The following ZNF804A variants were observed in gnomAD, a reference collection of about 807,000 sequenced individuals.
The protein encoded by ZNF804A is zinc finger protein 804A.
A neutral mutation model predicts 16.5 loss-of-function variants in ZNF804A; 2 were observed. That is an observed-to-expected ratio of 0.12 (90% CI 0.05 to 0.38). The LOEUF is 0.38. ZNF804A is among the 10% of genes least tolerant of loss of function. ZNF804A has a pLI of 0.99. For missense variants in ZNF804A, 1,473 were observed against 1,390.7 expected (o/e 1.06, Z -0.94); for synonymous variants, 534 against 489.6 (o/e 1.09, Z -1.20).
At chr2:184,871,247 G>A (rs187539707) in intron 2 of ZNF804A, among the ~76,000 whole-genome samples, 69 of 151,880 alleles carry the variant, frequency 4.5e-4, no homozygotes, top group African/African-American at 1.2e-3. Flanking sequence ...TGGACCTACA[G>A]TAATAATCAC....
intron 1 of ZNF804A, among the ~76,000 whole-genome samples, chr2:184,695,100 A>G (rs1187333897): frequency 6.6e-6 from 1 of 152,194 alleles, no homozygotes; most frequent in Non-Finnish European, 1.5e-5. Flanking sequence ...TTTTCTTGGA[A>G]TGGAAATACC....
intron 2 of ZNF804A, among the ~76,000 whole-genome samples, chr2:184,883,058 G>T (rs1346703867): frequency 6.6e-6 from 1 of 151,952 alleles, no homozygotes; most frequent in Admixed American, 6.6e-5. Flanking sequence ...GAAAAACAGA[G>T]AGAAGATCTC....
chr2:184,897,506 G>T (rs1685106757), intron 2 of ZNF804A, among the ~76,000 whole-genome samples: 1 of 151,130 alleles, frequency 6.6e-6, no homozygotes, highest in Non-Finnish European at 1.5e-5. Flanking sequence ...TTTTTGGATG[G>T]AGTCACTCAT....
chr2:184,698,098 G>A (rs1559129166), intron 1 of ZNF804A, among the ~76,000 whole-genome samples: 1 of 151,982 alleles, frequency 6.6e-6, no homozygotes, highest in East Asian at 1.9e-4. Flanking sequence ...GGAATTAGAG[G>A]TTTTTCCAGT....
Position 184,819,859 on chromosome 2 carries a change from A to T in ZNF804A, c.112-46510A>T, listed in dbSNP as rs553284270. 5.9e-5 allele frequency among the ~76,000 whole-genome samples: 9 copies of T among 151,980 alleles called. No homozygotes were observed. The South Asian group carries it at 1.9e-3, about 31-fold the overall frequency. ...CCTGGGAACATATACCCTCCCAAGA[A>T]TGAATCAGGGAGAAATTGAATCCCT... On this transcript the variant is annotated intron_variant, in intron 1 of 3. Transcript: ENST00000302277.
intron 1 of ZNF804A, among the ~76,000 whole-genome samples, chr2:184,664,096 G>T (rs1355087092): frequency 6.6e-6 from 1 of 152,116 alleles, no homozygotes; most frequent in Non-Finnish European, 1.5e-5. Context: ...TTTTATTATT[G>T]TTGCCTACCT....
intron 3 of ZNF804A, 33 bp from the exon 4 acceptor site, chr2:184,935,737 TCTCAAAAGTGTGC>T: frequency 1.3e-6 from 2 of 1,496,350 alleles, no homozygotes; most frequent in Non-Finnish European, 1.8e-6. Context: ...TATTTTTTTT[TCTCAAAAGTGTGC>T]TATTTAACAC....
chr2:184,839,326 A>G (rs548281104), intron 1 of ZNF804A, among the ~76,000 whole-genome samples: 1 of 152,240 alleles, frequency 6.6e-6, no homozygotes, highest in South Asian at 2.1e-4. Flanking sequence ...AGAGTATCAT[A>G]TCATTACATT....
At chr2:184,843,962 C>T (rs979807366) in intron 1 of ZNF804A, among the ~76,000 whole-genome samples, 2 of 151,942 alleles carry the variant, frequency 1.3e-5, no homozygotes, top group African/African-American at 4.8e-5. Context: ...TCTCTCCTCC[C>T]CATTTTTTCT....
intron 1 of ZNF804A, among the ~76,000 whole-genome samples, chr2:184,761,536 ATTCCAGTACATAAT>A: frequency 6.6e-6 from 1 of 152,250 alleles, no homozygotes; most frequent in South Asian, 2.1e-4. Context: ...ACAACAGTCT[ATTCCAGTACATAAT>A]TTTAAATATA....
intron 1 of ZNF804A, among the ~76,000 whole-genome samples, chr2:184,676,577 A>G (rs968154612): frequency 6.6e-6 from 1 of 151,730 alleles, no homozygotes; most frequent in Non-Finnish European, 1.5e-5. Context: ...AATTTCCACT[A>G]CAATATCATA....
At chr2:184,742,320 T>C (rs1157606912) in intron 1 of ZNF804A, among the ~76,000 whole-genome samples, 1 of 151,980 alleles carries the variant, frequency 6.6e-6, no homozygotes, top group Non-Finnish European at 1.5e-5. Flanking sequence ...TTGAAAAAAA[T>C]TATGGCTTAA....
chr2:184,703,507 G>T lies in ZNF804A; in HGVS notation c.111+104437G>T, dbSNP rs187232936. Reference sequence around the variant, plus strand: ...CATGAGATCAGGAGATCGAGACCACGGTGAAACCCCGTCTCTACTAAAACA... The same window carrying T: ...CATGAGATCAGGAGATCGAGACCACTGTGAAACCCCGTCTCTACTAAAACA... On this transcript the variant is annotated intron_variant, in intron 1 of 3. Coordinates refer to ENST00000302277, the MANE Select transcript of ZNF804A (RefSeq NM_194250.2). 4.6e-3 allele frequency among the ~76,000 whole-genome samples: 696 copies of T among 151,718 alleles called. 12 individuals are homozygous for T. Among genetic ancestry groups the T allele is most frequent in the African/African-American group, 0.015 (635 of 41,394 alleles).
chr2:184,836,979 G>T (rs72905734), intron 1 of ZNF804A, among the ~76,000 whole-genome samples: 2 of 151,058 alleles, frequency 1.3e-5, no homozygotes, highest in Admixed American at 6.6e-5. Flanking sequence ...CTATGTACAT[G>T]GTGTGTCTTC....
At chr2:184,851,321 C>T (rs1019656177) in intron 1 of ZNF804A, among the ~76,000 whole-genome samples, 6 of 151,682 alleles carry the variant, frequency 4.0e-5, no homozygotes, top group South Asian at 2.1e-4. Context: ...TATTATTTGA[C>T]GAACATCTCT....
At chr2:184,783,207 A>T (rs1283639362) in intron 1 of ZNF804A, among the ~76,000 whole-genome samples, 1 of 118,734 alleles carries the variant, frequency 8.4e-6, no homozygotes, top group African/African-American at 3.1e-5. Context: ...GTTTTAGTGG[A>T]TAGACTACCA....
rs910572499 is a variant in ZNF804A at position 184,613,107 on chromosome 2, C to T, written c.111+14037C>T. Among the ~76,000 whole-genome samples the T allele has an allele frequency of 8.5e-5, 13 of 152,296 alleles. No individual in the cohort carries two copies. The South Asian group carries it at 1.2e-3, about 15-fold the overall frequency. On this transcript the variant is annotated intron_variant, in intron 1 of 3. Transcript: ENST00000302277. ...ACTATTTTGACACATTAGCAAGGTGCGGATATAATTCTATGAAGTATAGAA... is the reference window on the plus strand; with the variant it reads ...ACTATTTTGACACATTAGCAAGGTGTGGATATAATTCTATGAAGTATAGAA...
chr2:184,918,866 T>G (rs753987957), intron 2 of ZNF804A, among the ~76,000 whole-genome samples: 1 of 152,118 alleles, frequency 6.6e-6, no homozygotes. Flanking sequence ...CACATTAAAC[T>G]AAGTGTTTAG....
chr2:184,859,687 G>A (rs541887625), intron 1 of ZNF804A, among the ~76,000 whole-genome samples: 19 of 152,202 alleles, frequency 1.2e-4, no homozygotes, highest in Admixed American at 2.6e-4. Context: ...ATTGCCTTAC[G>A]TTGATGTGTA....
Sources: allele counts gnomAD v4.1 joint callset (sites outside exome capture counted in the v4.1 genomes callset), GRCh38; gene constraint gnomAD v4.1.1; transcripts MANE v1.5; gene names NCBI Gene and HGNC (gene_info 2026-07-23, HGNC 2026-07-21).